HECW2: variants seen among roughly 807,000 people sequenced by gnomAD.
HECW2 encodes E3 ubiquitin-protein ligase HECW2.
A neutral mutation model predicts 175.2 loss-of-function variants in HECW2; 61 were observed. That is an observed-to-expected ratio of 0.35 (90% CI 0.28 to 0.43). The LOEUF (loss-of-function observed/expected upper bound fraction) is 0.43. HECW2 is among the 20% of genes least tolerant of loss of function. HECW2 has a pLI of 1.00. For synonymous variants in HECW2, 671 were observed against 731.0 expected, an observed-to-expected ratio of 0.92 and a Z score of 1.32; for missense variants, 1,524 against 2,000.5, an observed-to-expected ratio of 0.76 and a Z score of 4.54.
At chr2:196,379,972 A>G (rs1002337555) in intron 2 of HECW2, among the ~76,000 whole-genome samples, 25 of 152,172 alleles carry the variant, frequency 1.6e-4, no homozygotes, top group Admixed American at 1.0e-3. Context: ...TAAATTGTTA[A>G]CTGGATTTTG....
Position 196,544,836 on chromosome 2 carries a change from A to G in HECW2, c.-36+48672T>C, listed in dbSNP as rs1689354866. On this transcript the variant is annotated intron_variant, in intron 1 of 28. Transcript: ENST00000644978. ...ACAGTAAAGAACAGGGGCTGGGGGA[A>G]CAGGGAACAGCAAAGGAAAAAGGGC... Among the ~76,000 whole-genome samples the G allele has an allele frequency of 2.0e-5, 3 of 152,166 alleles. No individual in the cohort carries two copies. The South Asian group carries it at 6.2e-4, about 31-fold the overall frequency.
At chr2:196,238,589 C>A (rs1224594948) in intron 21 of HECW2, 1 of 152,106 alleles carries the variant, frequency 6.6e-6, no homozygotes, top group Non-Finnish European at 1.5e-5. Flanking sequence ...ACTGACCTGA[C>A]AAAGTCATGA....
intron 2 of HECW2, among the ~76,000 whole-genome samples, chr2:196,427,792 G>A (rs1450565382): frequency 1.3e-5 from 2 of 152,168 alleles, no homozygotes; most frequent in African/African-American, 4.8e-5. Context: ...ATCTCAGGGT[G>A]TATATGAGGC....
chr2:196,427,127 CA>C (rs1406590146), intron 2 of HECW2, among the ~76,000 whole-genome samples: 1 of 87,580 alleles, frequency 1.1e-5, no homozygotes, highest in Non-Finnish European at 2.6e-5. Context: ...ATACTTACAT[CA>C]AGAAACTTCA....
At chr2:196,554,458 T>G (rs898383202) in intron 1 of HECW2, among the ~76,000 whole-genome samples, 11 of 152,156 alleles carry the variant, frequency 7.2e-5, no homozygotes, top group Non-Finnish European at 1.5e-4. Context: ...ATGAAAAAAC[T>G]GAAGAAACAT....
chr2:196,480,919 G>C (rs1479406932), intron 1 of HECW2, among the ~76,000 whole-genome samples: 1 of 152,110 alleles, frequency 6.6e-6, no homozygotes, highest in Non-Finnish European at 1.5e-5. Context: ...CATTGTACTT[G>C]TTAAGTACTG....
rs1342481757 is a variant in HECW2 at position 196,240,383 on chromosome 2, C to T, written c.3764+66G>A. On this transcript the variant is annotated intron_variant, in intron 21 of 28. Coordinates refer to ENST00000644978, the MANE Select transcript of HECW2 (RefSeq NM_001348768.2). ...TTCCTGTTTCAGGCAACCACAGCGA[C>T]GTGGAGAAACATCCGCCTTGTGGCC... 28 of 1,137,810 alleles carry T rather than the reference C, an allele frequency of 2.5e-5. 1 individual carries two copies. Among genetic ancestry groups the T allele is most frequent in the South Asian group, 1.1e-4 (7 of 64,712 alleles). The allele number at this position is 1,137,810 out of a possible 1,614,324, so 70.5% of individuals were successfully genotyped here. A position where few individuals can be genotyped will look rare whatever the true frequency, so the allele number is the denominator to read the frequency against.
intron 4 of HECW2, among the ~76,000 whole-genome samples, chr2:196,333,820 T>C (rs1449282791): frequency 1.3e-5 from 2 of 152,194 alleles, no homozygotes; most frequent in African/African-American, 2.4e-5. Context: ...AAATTAGGTA[T>C]CTGTTTCTTC....
intron 28 of HECW2, 47 bp from the exon 29 acceptor site, chr2:196,201,435 A>AT: frequency 1.5e-6 from 2 of 1,356,384 alleles, no homozygotes; most frequent in Non-Finnish European, 2.1e-6. Context: ...GCCGAGTGAA[A>AT]TGAAAATGTG....
At chr2:196,301,332 G>A (rs375228491) in intron 13 of HECW2, among the ~76,000 whole-genome samples, 5 of 152,086 alleles carry the variant, frequency 3.3e-5, no homozygotes, top group African/African-American at 1.2e-4. Context: ...GTGCCGCAAT[G>A]AACATACATG....
chr2:196,339,484 T>G (rs1297680477), intron 3 of HECW2, among the ~76,000 whole-genome samples: 1 of 152,202 alleles, frequency 6.6e-6, no homozygotes, highest in African/African-American at 2.4e-5. Context: ...CATAGCAATG[T>G]AGGATGAAGT....
At chr2:196,205,394 C>T (rs1199291538) in intron 28 of HECW2, among the ~76,000 whole-genome samples, 3 of 152,166 alleles carry the variant, frequency 2.0e-5, no homozygotes, top group Non-Finnish European at 4.4e-5. Context: ...TTTTATCCTA[C>T]CTCTGACTAC....
intron 13 of HECW2, among the ~76,000 whole-genome samples, chr2:196,294,378 C>G (rs1690725429): frequency 6.6e-6 from 1 of 152,214 alleles, no homozygotes; most frequent in Non-Finnish European, 1.5e-5. Flanking sequence ...CAGACTGATT[C>G]AAAGGGCTTT....
chr2:196,585,201 A>T (rs1017652921), intron 1 of HECW2, among the ~76,000 whole-genome samples: 27 of 152,150 alleles, frequency 1.8e-4, no homozygotes, highest in African/African-American at 6.5e-4. Context: ...ATACTTATTT[A>T]TTTATTCATA....
chr2:196,469,246 A>G (rs935190093), intron 1 of HECW2, among the ~76,000 whole-genome samples: 1 of 152,120 alleles, frequency 6.6e-6, no homozygotes, highest in Non-Finnish European at 1.5e-5. Context: ...CGGGTGCCAA[A>G]ATGTAGAGAC....
chr2:196,514,296 G>A (rs115456963), intron 1 of HECW2, among the ~76,000 whole-genome samples: 2,417 of 152,320 alleles, frequency 0.016, 31 homozygotes, highest in Middle Eastern at 0.037. Context: ...GTCCCCTGCC[G>A]CCTCTGTATA....
Position 196,201,039 on chromosome 2 carries a change from A to G in HECW2, c.*238T>C, listed in dbSNP as rs1432526623. 2 of 434,546 alleles carry G rather than the reference A, an allele frequency of 4.6e-6. No individual in the cohort carries two copies. The highest frequency in any genetic ancestry group is 8.6e-6 in the Non-Finnish European group (2 of 233,374). 26.9% of individuals were successfully genotyped at this position (434,546 alleles called of 1,614,324 possible). On this transcript the variant is annotated 3_prime_UTR_variant, in exon 29 of 29. Transcript: ENST00000644978. ...AACAAATGGAAAAAGTTTGGCAGTC[A>G]AGAACTGTTGATTGAAAGACGGTTG...
chr2:196,268,204 G>C (rs1245581097), intron 17 of HECW2, among the ~76,000 whole-genome samples: 1 of 152,178 alleles, frequency 6.6e-6, no homozygotes, highest in East Asian at 1.9e-4. Context: ...TGAAAGTGCA[G>C]TGTGACACAC....
At chr2:196,279,110 G>A (rs1690090304) in intron 14 of HECW2, among the ~76,000 whole-genome samples, 2 of 151,780 alleles carry the variant, frequency 1.3e-5, no homozygotes, top group Admixed American at 6.6e-5. Context: ...GTGCAGTGGC[G>A]CGATCTCAGC....
Sources: allele counts gnomAD v4.1 joint callset (sites outside exome capture counted in the v4.1 genomes callset), GRCh38; gene constraint gnomAD v4.1.1; transcripts MANE v1.5; gene names NCBI Gene and HGNC (gene_info 2026-07-23, HGNC 2026-07-21).